TNRC6A: variants seen among roughly 807,000 people sequenced by gnomAD.
TNRC6A encodes the protein trinucleotide repeat-containing gene 6A protein.
In TNRC6A, 44 loss-of-function variants were observed where a neutral mutation model predicts 221.2. That is an observed-to-expected ratio of 0.20 (90% confidence interval 0.16 to 0.26). The LOEUF is 0.26. Ranked by LOEUF, TNRC6A falls within the 10% of genes least tolerant of loss-of-function variation. The pLI, the probability that TNRC6A is intolerant of heterozygous loss-of-function variation, is 1.00. For missense variants in TNRC6A, 2,199 were observed against 2,404.4 expected, an observed-to-expected ratio of 0.91 and a Z score of 1.79; for synonymous variants, 847 against 838.5, an observed-to-expected ratio of 1.01 and a Z score of -0.18.
chr16:24,792,316 C>A (rs1282058313), intron 6 of TNRC6A, among the ~76,000 whole-genome samples: 2 of 151,930 alleles, frequency 1.3e-5, no homozygotes, highest in Non-Finnish European at 2.9e-5. Context: ...TCTAGTATAT[C>A]CTTACTTTCC....
Position 24,820,160 on chromosome 16 carries a change from T to C in TNRC6A, c.5102T>C (p.Leu1701Ser). The change falls in exon 22 of 25, where the codon TTG becomes TCG. Residue 1701 changes from leucine to serine, a missense_variant. Leu to Ser is a moderately radical substitution (Grantham distance 145). Coordinates refer to ENST00000395799, the MANE Select transcript of TNRC6A (RefSeq NM_014494.4). ...GTAGCCAGAAATAGTGATTCCAAAT[T>C]GACATGGTCTCCTGGTTCAGTTACA... is the stretch of plus-strand genomic sequence containing the variant. Reference protein sequence around the residue: ...STSARNSDSKLTWSPGSVTNT... With the variant: ...STSARNSDSKSTWSPGSVTNT... The C allele has an allele frequency of 6.2e-7, 1 of 1,614,194 alleles. No individual in the cohort carries two copies. Among genetic ancestry groups the C allele is most frequent in the Non-Finnish European group, 8.5e-7 (1 of 1,180,034 alleles).
chr16:24,661,322 A>G, intron 2 of TNRC6A: 1 of 151,912 alleles, frequency 6.6e-6, no homozygotes, highest in Non-Finnish European at 1.5e-5. Flanking sequence ...TTTTCCTAAG[A>G]AACTGTATGG....
chr16:24,802,690 T>A, intron 11 of TNRC6A, among the ~76,000 whole-genome samples: 1 of 152,166 alleles, frequency 6.6e-6, no homozygotes, highest in East Asian at 1.9e-4. Context: ...GATACCCTGA[T>A]AGTGAATGAA....
rs976371539 is a variant in TNRC6A, at chr16:24,692,722, T to TTA, written n.402+51723_402+51724dup. Among the ~76,000 whole-genome samples the TTA allele has an allele frequency of 1.3e-4, 19 of 151,704 alleles. 1 individual carries two copies. The highest frequency in any genetic ancestry group is 6.2e-4 in the South Asian group (3 of 4,826). On this transcript the variant is annotated intron_variant and non_coding_transcript_variant, in intron 2 of 2. Coordinates refer to the TNRC6A transcript ENST00000566108. ...AGCAAGACCCTGTCTTAAAAAAAAA[T>TTA]TATATATATATGTGTATATATTATA... is the stretch of plus-strand genomic sequence containing the variant.
chr16:24,821,404 G>A (rs563969179), intron 22 of TNRC6A, among the ~76,000 whole-genome samples: 13 of 152,194 alleles, frequency 8.5e-5, no homozygotes, highest in Admixed American at 3.3e-4. Flanking sequence ...CCCAGACACC[G>A]GAGAAAGCAC....
chr16:24,654,903 A>G (rs1405426428), intron 2 of TNRC6A, among the ~76,000 whole-genome samples: 1 of 152,134 alleles, frequency 6.6e-6, no homozygotes, highest in Non-Finnish European at 1.5e-5. Context: ...TTCACGGTAG[A>G]TGGTATAATT....
chr16:24,630,020 TA>T (rs1163634324), intron 1 of TNRC6A, among the ~76,000 whole-genome samples: 1 of 152,126 alleles, frequency 6.6e-6, no homozygotes, highest in Non-Finnish European at 1.5e-5. Flanking sequence ...TAACCATTTT[TA>T]AGTGTCCTAC....
Position 24,777,078 on chromosome 16 carries a change from G to A in TNRC6A, c.309G>A (p.Gln103=). The A allele has an allele frequency of 1.2e-6, 2 of 1,605,352 alleles. No individual in the cohort carries two copies. The highest frequency in any genetic ancestry group is 3.4e-5 in the Admixed American group (2 of 59,624). ...QQPQQQQQQQ[Q]PQQQQPQQQP... ...CACAGCAGCAGCAGCAACAGCAGCA[G>A]CCGCAGCAGCAGCAGCCACAGCAGC... Residue 103 remains glutamine (Q), a synonymous_variant, in exon 5 of 25, where the codon CAG becomes CAA. Transcript: ENST00000395799.
intron 2 of TNRC6A, among the ~76,000 whole-genome samples, chr16:24,706,979 T>TTATTTATTTA (rs1555492074): frequency 1.2e-4 from 17 of 140,504 alleles, no homozygotes; most frequent in Admixed American, 9.6e-4. Context: ...ATTTATCTAT[T>TTATTTATTTA]TTTATTTATG....
intron 2 of TNRC6A, among the ~76,000 whole-genome samples, chr16:24,715,276 T>C (rs536502227): frequency 3.3e-5 from 5 of 152,240 alleles, no homozygotes; most frequent in Admixed American, 3.3e-4. Flanking sequence ...GATCTCACTT[T>C]ATTGTCCAGG....
At chr16:24,610,545 A>G (rs1899997078) in intron 1 of TNRC6A, 1 of 152,262 alleles carries the variant, frequency 6.6e-6, no homozygotes. Flanking sequence ...CCTCATTAGC[A>G]TGCGCAGGGC....
At chr16:24,694,270 T>G (rs2055812506) in intron 2 of TNRC6A, among the ~76,000 whole-genome samples, 1 of 152,086 alleles carries the variant, frequency 6.6e-6, no homozygotes, top group African/African-American at 2.4e-5. Context: ...GGCCCCCGTC[T>G]CCGACCTCAG....
intron 2 of TNRC6A, among the ~76,000 whole-genome samples, chr16:24,666,253 G>A (rs2055157047): frequency 6.6e-6 from 1 of 151,968 alleles, no homozygotes; most frequent in Non-Finnish European, 1.5e-5. Flanking sequence ...TGGATCACGA[G>A]GTCAGGAGAT....
intron 6 of TNRC6A, among the ~76,000 whole-genome samples, chr16:24,792,329 T>C (rs1259601738): frequency 6.6e-6 from 1 of 152,216 alleles, no homozygotes; most frequent in African/African-American, 2.4e-5. Context: ...TACTTTCCTC[T>C]CTAATAATGA....
intron 4 of TNRC6A, among the ~76,000 whole-genome samples, chr16:24,771,806 T>A (rs1006680829): frequency 6.6e-6 from 1 of 152,184 alleles, no homozygotes; most frequent in Non-Finnish European, 1.5e-5. Flanking sequence ...TCTGCTGTTA[T>A]ACTATAGGAC....
At chr16:24,683,049 C>G (rs1013224737) in intron 2 of TNRC6A, among the ~76,000 whole-genome samples, 5 of 152,168 alleles carry the variant, frequency 3.3e-5, no homozygotes, top group African/African-American at 1.2e-4. Context: ...ATGCCCTGGG[C>G]TCATATGTGC....
At chr16:24,799,053 A>G (rs980984436) in intron 11 of TNRC6A, among the ~76,000 whole-genome samples, 4 of 152,212 alleles carry the variant, frequency 2.6e-5, no homozygotes, top group African/African-American at 9.6e-5. Context: ...CGGAGCTACC[A>G]GAGGGCATGC....
chr16:24,720,716 GAAAAAAA>G (rs984845041), intron 2 of TNRC6A, among the ~76,000 whole-genome samples: 8 of 122,064 alleles, frequency 6.6e-5, no homozygotes, highest in African/African-American at 1.5e-4. Flanking sequence ...AAGAAAGAAA[GAAAAAAA>G]AAAAAGAAAA....
rs58843836 is a variant in TNRC6A, at chr16:24,715,605, C to CT, written n.403-35105dup. ...GTTCTTTTCCATTCTTGAGTAGTTT[C>CT]TTTTTTTTTTTTTTTTCTTTTTTTT... On this transcript the variant is annotated intron_variant and non_coding_transcript_variant, in intron 2 of 2. Transcript: ENST00000566108. Among the ~76,000 whole-genome samples the CT allele has an allele frequency of 3.2e-3, 412 of 127,190 alleles. 2 individuals are homozygous for CT. The highest frequency in any genetic ancestry group is 4.3e-3 in the Non-Finnish European group (261 of 60,004). 83.4% of individuals were successfully genotyped at this position (127,190 alleles called of 152,430 possible). A position where few individuals can be genotyped will look rare whatever the true frequency, so the allele number is the denominator to read the frequency against.
Sources: gnomAD v4.1 joint callset for allele counts (sites outside exome capture counted in the v4.1 genomes callset) on GRCh38, gnomAD v4.1.1 for gene constraint, MANE v1.5 for transcripts, NCBI Gene and HGNC (gene_info 2026-07-23, HGNC 2026-07-21) for gene names.